The following TOM1L1 variants were observed in gnomAD, a reference collection of about 807,000 sequenced individuals.
TOM1L1 encodes target of myb1 like 1 membrane trafficking protein, also known as TOM1-like protein 1.
Under a neutral mutation model 63.4 loss-of-function variants are expected in TOM1L1, and 64 were observed. The ratio of observed to expected loss-of-function variants is 1.01; its 90% CI spans 0.83 to 1.24. TOM1L1 has a LOEUF of 1.24. TOM1L1 is among the 50% of genes most tolerant of loss of function. The pLI, the probability that TOM1L1 is intolerant of heterozygous loss-of-function variation, is 0.00. For synonymous variants in TOM1L1, 166 were observed against 194.4 expected (o/e 0.85, Z 1.22); for missense variants, 536 against 567.0 (o/e 0.95, Z 0.55).
intron 7 of TOM1L1, among the ~76,000 whole-genome samples, chr17:54,920,404 T>C (rs2048664763): frequency 6.6e-6 from 1 of 152,180 alleles, no homozygotes; most frequent in African/African-American, 2.4e-5. Context: ...ATCCTCTTTC[T>C]TCCCCAAATC....
At chr17:54,914,584 C>A in intron 5 of TOM1L1, 55 bp from the exon 6 acceptor site, 2 of 1,441,230 alleles carry the variant, frequency 1.4e-6, no homozygotes, top group Non-Finnish European at 1.9e-6. Context: ...AAAAACTTGG[C>A]GTTGGGTGGC....
chr17:54,912,435 T>G (rs1333480972), intron 3 of TOM1L1, among the ~76,000 whole-genome samples: 1 of 152,238 alleles, frequency 6.6e-6, no homozygotes, highest in Non-Finnish European at 1.5e-5. Flanking sequence ...GTTAATGCCC[T>G]TCTGGATGTG....
chr17:54,930,220 G>A lies in TOM1L1; in HGVS notation c.854+14G>A. ...TGGATATGAGAGGTGAGCAGATCAT[G>A]TACCCTCTTTACCCCTCTTCCATTT... is the stretch of plus-strand genomic sequence containing the variant. On this transcript the variant is annotated intron_variant, in intron 8 of 15. Transcript: ENST00000575882. 3 of 1,613,862 alleles carry A rather than the reference G, an allele frequency of 1.9e-6. No homozygotes were observed. The highest frequency in any genetic ancestry group is 2.5e-6 in the Non-Finnish European group (3 of 1,179,862).
chr17:54,954,010 TG>T (rs1050038774), intron 14 of TOM1L1: 1 of 152,222 alleles, frequency 6.6e-6, no homozygotes, highest in Non-Finnish European at 1.5e-5. Context: ...GGGACTGGCT[TG>T]CTTCCCTCAT....
intron 8 of TOM1L1, among the ~76,000 whole-genome samples, chr17:54,936,082 C>T (rs1278838782): frequency 6.7e-6 from 1 of 148,348 alleles, no homozygotes; most frequent in Non-Finnish European, 1.5e-5. Context: ...AAGATTGCAC[C>T]TTTGTATTCC....
intron 8 of TOM1L1, among the ~76,000 whole-genome samples, chr17:54,934,808 C>T (rs2048920604): frequency 6.6e-6 from 1 of 152,008 alleles, no homozygotes; most frequent in African/African-American, 2.4e-5. Context: ...ACCTCCGCCT[C>T]CCAGGTTCAA....
intron 11 of TOM1L1, among the ~76,000 whole-genome samples, chr17:54,946,996 T>TG: frequency 6.6e-6 from 1 of 152,166 alleles, no homozygotes; most frequent in South Asian, 2.1e-4. Flanking sequence ...AACGATGGGG[T>TG]GGTAGCTACA....
In TOM1L1 at chr17:54,900,883, T is replaced by A; in HGVS notation, c.18T>A (p.Ser6Arg). 1 of 1,613,520 alleles carries A rather than the reference T, an allele frequency of 6.2e-7. No homozygotes were observed. The highest frequency in any genetic ancestry group is 8.5e-7 in the Non-Finnish European group (1 of 1,179,960). The change falls in exon 1 of 16, where the codon AGT (serine) becomes AGA (arginine). Residue 6 changes from serine to arginine, a missense_variant. Transcript: ENST00000575882. Reference protein sequence around the residue: MAFGKSHRDPYATSVG... With the variant: MAFGKRHRDPYATSVG... Reference sequence around the variant, plus strand: ...GCGCTACCATGGCGTTTGGCAAGAGTCACCGGGATCCCTACGCGACCTCCG... The same window carrying A: ...GCGCTACCATGGCGTTTGGCAAGAGACACCGGGATCCCTACGCGACCTCCG...
chr17:54,939,851 CATT>C (rs2049008842), intron 11 of TOM1L1, among the ~76,000 whole-genome samples: 2 of 152,162 alleles, frequency 1.3e-5, no homozygotes, highest in South Asian at 4.1e-4. Flanking sequence ...AGCCTGTTAT[CATT>C]ATTCCCATCA....
intron 11 of TOM1L1, among the ~76,000 whole-genome samples, 154 bp from the exon 12 acceptor site, chr17:54,947,107 A>T (rs1265930383): frequency 6.6e-6 from 1 of 152,134 alleles, no homozygotes; most frequent in Non-Finnish European, 1.5e-5. Context: ...GTGCACTAAA[A>T]CCAATTGTTT....
chr17:54,931,734 C>G (rs2048861603), intron 8 of TOM1L1, among the ~76,000 whole-genome samples: 2 of 152,066 alleles, frequency 1.3e-5, no homozygotes, highest in South Asian at 4.2e-4. Context: ...GCCCAGGAGG[C>G]AGAAGTTGCA....
chr17:54,913,581 G>T (rs973436488), intron 4 of TOM1L1, among the ~76,000 whole-genome samples, 167 bp from the exon 5 acceptor site: 1 of 150,460 alleles, frequency 6.6e-6, no homozygotes, highest in African/African-American at 2.5e-5. Flanking sequence ...CAGGAGAATC[G>T]CTTGAACCCA....
intron 1 of TOM1L1, among the ~76,000 whole-genome samples, chr17:54,902,619 C>T (rs913066623): frequency 6.6e-6 from 1 of 152,194 alleles, no homozygotes; most frequent in Non-Finnish European, 1.5e-5. Context: ...GGATTGAAAG[C>T]AAGCTAAACT....
intron 7 of TOM1L1, among the ~76,000 whole-genome samples, chr17:54,928,643 A>G (rs2048807366): frequency 6.6e-6 from 1 of 152,176 alleles, no homozygotes. Flanking sequence ...CAAAGACTAG[A>G]TGGCCCACAA....
intron 8 of TOM1L1, among the ~76,000 whole-genome samples, chr17:54,930,699 G>A (rs1035096061): frequency 1.3e-5 from 2 of 152,000 alleles, no homozygotes; most frequent in African/African-American, 2.4e-5. Flanking sequence ...ATAATTAGCT[G>A]GGCATGGTCG....
chr17:54,905,538 A>G lies in TOM1L1; in HGVS notation c.193A>G (p.Asn65Asp). ...ALKKRISKNY[N>D]HKEIQLTLSL... ...GAAGAAAAGGATTTCCAAAAACTAC[A>G]ATCATAAAGAAATCCAACTTACCTT... Residue 65 changes from asparagine to aspartate, a missense_variant, in exon 3 of 16, where the codon AAT becomes GAT. By Grantham distance (23) the Asn-to-Asp change is conservative. Transcript: ENST00000575882. 1 of 1,611,196 alleles carries G rather than the reference A, an allele frequency of 6.2e-7. No homozygotes were observed. The highest frequency in any genetic ancestry group is 8.5e-7 in the Non-Finnish European group (1 of 1,178,050).
intron 7 of TOM1L1, 39 bp downstream of exon 7, chr17:54,915,901 C>CT (rs1271907744): frequency 6.7e-7 from 1 of 1,501,882 alleles, no homozygotes; most frequent in South Asian, 1.1e-5. Flanking sequence ...CAAAGTGTCT[C>CT]TTAAAGTTAT....
At chr17:54,917,880 A>C (rs1321433049) in intron 7 of TOM1L1, among the ~76,000 whole-genome samples, 3 of 151,994 alleles carry the variant, frequency 2.0e-5, no homozygotes, top group Non-Finnish European at 4.4e-5. Flanking sequence ...TGTATTCTCT[A>C]TTTTTTTCCT....
At chr17:54,915,672 T>C in intron 6 of TOM1L1, 74 bp from the exon 7 acceptor site, 1 of 1,017,420 alleles carries the variant, frequency 9.8e-7, no homozygotes, top group Non-Finnish European at 1.4e-6. Context: ...CCAGCAAATG[T>C]CCCATGGGGG....
Sources: allele counts gnomAD v4.1 joint callset (sites outside exome capture counted in the v4.1 genomes callset), GRCh38; gene constraint gnomAD v4.1.1; transcripts MANE v1.5; gene names NCBI Gene and HGNC (gene_info 2026-07-23, HGNC 2026-07-21).